SVIL: variants seen among roughly 807,000 people sequenced by gnomAD.
The protein encoded by SVIL is supervillin, also known as archvillin.
SVIL carries 101 observed loss-of-function variants against 240.4 expected under a neutral mutation model. That is an observed-to-expected ratio of 0.42 (90% CI 0.36 to 0.50). The LOEUF (loss-of-function observed/expected upper bound fraction) is 0.50, where lower values mean the gene tolerates loss of function less well. Among genes scored for constraint, SVIL ranks in the 20% least tolerant of loss-of-function variants. The probability of loss-of-function intolerance (pLI) is 0.01; values close to 1 mark genes in which losing one functional copy is unlikely to be tolerated. For missense variants in SVIL, 2,512 were observed against 2,818.7 expected (o/e 0.89, Z 2.46); for synonymous variants, 999 against 1,100.0 (o/e 0.91, Z 1.82).
At chr10:29,708,254 T>C (rs1370973478) in intron 1 of SVIL, among the ~76,000 whole-genome samples, 1 of 65,022 alleles carries the variant, frequency 1.5e-5, no homozygotes, top group South Asian at 5.7e-4. Flanking sequence ...TGAGACTCCA[T>C]CTCAAAAAAA....
chr10:29,555,501 T>A (rs971451080), intron 3 of SVIL, among the ~76,000 whole-genome samples: 2 of 152,176 alleles, frequency 1.3e-5, no homozygotes, highest in East Asian at 1.9e-4. Context: ...ATCACATACA[T>A]TAAAATAATT....
intron 1 of SVIL, among the ~76,000 whole-genome samples, chr10:29,596,614 C>T (rs1029922276): frequency 3.9e-5 from 6 of 152,118 alleles, no homozygotes; most frequent in Non-Finnish European, 1.5e-5. Context: ...AGTTTCAGGG[C>T]CACTGGGCAT....
intron 1 of SVIL, among the ~76,000 whole-genome samples, chr10:29,711,268 C>T (rs780804699): frequency 2.6e-5 from 4 of 152,032 alleles, no homozygotes; most frequent in Non-Finnish European, 4.4e-5. Context: ...GGCATGGTGA[C>T]GCACGCCGGT....
At chr10:29,519,962 G>C (rs574245238) in intron 16 of SVIL, among the ~76,000 whole-genome samples, 1 of 144,274 alleles carries the variant, frequency 6.9e-6, no homozygotes, top group Non-Finnish European at 1.5e-5. Context: ...AAGCTAAGAA[G>C]CTACGTCTTT....
intron 3 of SVIL, among the ~76,000 whole-genome samples, chr10:29,653,360 A>G (rs1020678833): frequency 6.6e-6 from 1 of 151,374 alleles, no homozygotes; most frequent in African/African-American, 2.4e-5. Context: ...CTTCCCATTC[A>G]CCTTCTGCCA....
At chr10:29,595,217 T>C (rs935283075) in intron 1 of SVIL, among the ~76,000 whole-genome samples, 5 of 152,226 alleles carry the variant, frequency 3.3e-5, no homozygotes, top group Middle Eastern at 3.2e-3. Context: ...GTGATTCTCA[T>C]GAGTGGGGCT....
At chr10:29,481,512 A>G (rs1564486563) in intron 28 of SVIL, 72 bp downstream of exon 28, 10 of 1,593,992 alleles carry the variant, frequency 6.3e-6, no homozygotes, top group Non-Finnish European at 2.6e-6. Flanking sequence ...TGATTTGATC[A>G]TTTTACATGA....
At chr10:29,677,525 G>A (rs552349506) in intron 2 of SVIL, among the ~76,000 whole-genome samples, 107 of 152,216 alleles carry the variant, frequency 7.0e-4, no homozygotes, top group Admixed American at 1.0e-3. Context: ...TGGAGCCCAC[G>A]TAATCCTCCT....
intron 22 of SVIL, among the ~76,000 whole-genome samples, chr10:29,490,584 T>TA (rs1564505877): frequency 7.3e-6 from 1 of 137,694 alleles, no homozygotes; most frequent in Non-Finnish European, 1.6e-5. Context: ...CCCCCAGTCT[T>TA]TAAAAAAAAA....
At position 29,523,464 on chromosome 10, in the gene SVIL, C is replaced by T. The variant is rs1160052058; in HGVS notation, c.3150G>A (p.Lys1050=). The change falls in exon 15 of 38, where the codon AAG becomes AAA. Residue 1050 remains lysine, a synonymous_variant. Transcript: ENST00000355867. ...KVEVENVMKR[K]FSLRAAEFGE... ...CTGGTCACTTACCTCTTAGTGAAAA[C>T]TTCCTTTTCATAACATTCTCCACCT... 3.1e-6 allele frequency: 5 copies of T among 1,602,080 alleles called. No individual in the cohort carries two copies. In the Admixed American group the frequency reaches 8.6e-5, roughly 27 times the overall value.
At chr10:29,551,420 A>AC (rs1953321188) in intron 5 of SVIL, among the ~76,000 whole-genome samples, 157 bp from the exon 6 acceptor site, 1 of 152,204 alleles carries the variant, frequency 6.6e-6, no homozygotes, top group African/African-American at 2.4e-5. Flanking sequence ...CTGATTATTT[A>AC]CCTGGGCTGT....
chr10:29,531,435 C>G, intron 9 of SVIL, 147 bp from the exon 10 acceptor site: 1 of 793,198 alleles, frequency 1.3e-6, no homozygotes, highest in Non-Finnish European at 2.0e-6. Flanking sequence ...GTTGTGAAAA[C>G]ACACATACAG....
chr10:29,609,347 A>G (rs1298255241), intron 1 of SVIL, among the ~76,000 whole-genome samples: 2 of 152,178 alleles, frequency 1.3e-5, no homozygotes. Flanking sequence ...TTAACACTAT[A>G]GCCCTCCCAC....
intron 2 of SVIL, among the ~76,000 whole-genome samples, chr10:29,671,850 G>A (rs901189872): frequency 6.6e-6 from 1 of 152,162 alleles, no homozygotes. Flanking sequence ...ATGACCTAAA[G>A]ATGTATTATA....
intron 6 of SVIL, among the ~76,000 whole-genome samples, chr10:29,546,511 T>C (rs1361940254): frequency 1.3e-5 from 2 of 152,236 alleles, no homozygotes; most frequent in Non-Finnish European, 2.9e-5. Flanking sequence ...TACTAAAGAA[T>C]TGTAAAATAA....
chr10:29,663,129 A>T (rs1190626840), intron 2 of SVIL, among the ~76,000 whole-genome samples: 1 of 152,168 alleles, frequency 6.6e-6, no homozygotes, highest in Admixed American at 6.5e-5. Context: ...AATAGTAATA[A>T]TAAAAGAATA....
At chr10:29,544,267 G>A (rs149871457) in intron 6 of SVIL, among the ~76,000 whole-genome samples, 40 of 152,168 alleles carry the variant, frequency 2.6e-4, no homozygotes, top group African/African-American at 9.2e-4. Context: ...TAAAATTAAC[G>A]GTTAATTTGC....
At chr10:29,524,782 T>A (rs1950787151) in intron 13 of SVIL, 67 bp from the exon 14 acceptor site, 2 of 1,589,404 alleles carry the variant, frequency 1.3e-6, no homozygotes, top group African/African-American at 2.7e-5. Context: ...AGTTTCTACG[T>A]TAACTTTCTG....
chr10:29,635,845 A>C (rs1371798052), upstream of SVIL, among the ~76,000 whole-genome samples: 1 of 152,202 alleles, frequency 6.6e-6, no homozygotes, highest in Non-Finnish European at 1.5e-5. Flanking sequence ...GGGCTGGAGT[A>C]CAGCAAAAGC....
Sources: allele counts gnomAD v4.1 joint callset (sites outside exome capture counted in the v4.1 genomes callset), GRCh38; gene constraint gnomAD v4.1.1; transcripts MANE v1.5; gene names NCBI Gene and HGNC (gene_info 2026-07-23, HGNC 2026-07-21).